WDR72: variants seen among roughly 807,000 people sequenced by gnomAD.
WDR72 encodes the protein WD repeat-containing protein 72.
A neutral mutation model predicts 124.2 loss-of-function variants in WDR72; 120 were observed. The observed-to-expected ratio is 0.97, with a 90% CI of 0.83 to 1.12. The LOEUF (loss-of-function observed/expected upper bound fraction) is 1.12, where lower values mean the gene tolerates loss of function less well. Ranked by LOEUF, WDR72 falls within the 50% of genes most tolerant of loss-of-function variation. The pLI, the probability that WDR72 is intolerant of heterozygous loss-of-function variation, is 0.00. For synonymous variants in WDR72, 452 were observed against 441.7 expected, an observed-to-expected ratio of 1.02 and a Z score of -0.29; for missense variants, 1,387 against 1,278.8, an observed-to-expected ratio of 1.08 and a Z score of -1.29.
intron 3 of WDR72, among the ~76,000 whole-genome samples, chr15:53,717,335 A>T (rs918747764): frequency 2.6e-5 from 4 of 152,200 alleles, no homozygotes; most frequent in Non-Finnish European, 4.4e-5. Context: ...TGGCTGTTTC[A>T]GAATTGTTTG....
rs1246391481 is a variant in WDR72, at chr15:53,650,324, T to G, written c.1962+15248A>C. Among the ~76,000 whole-genome samples the G allele has an allele frequency of 2.6e-5, 4 of 152,172 alleles. No homozygotes were observed. The South Asian group carries it at 8.3e-4, about 32-fold the overall frequency. On this transcript the variant is annotated intron_variant, in intron 14 of 19. Transcript: ENST00000360509. ...GCATAAAGTTTCAGCCCAGTAAAATTAGTAAGCTATAGAGATCTGCTGTAC... is the reference window on the plus strand; with the variant it reads ...GCATAAAGTTTCAGCCCAGTAAAATGAGTAAGCTATAGAGATCTGCTGTAC...
intron 18 of WDR72, among the ~76,000 whole-genome samples, chr15:53,556,151 A>T (rs2140286868): frequency 6.6e-6 from 1 of 152,278 alleles, no homozygotes; most frequent in South Asian, 2.1e-4. Flanking sequence ...GGCATAATAA[A>T]GAGGTAAATA....
At chr15:53,732,163 G>A (rs2018221240) in intron 2 of WDR72, among the ~76,000 whole-genome samples, 1 of 152,128 alleles carries the variant, frequency 6.6e-6, no homozygotes, top group Non-Finnish European at 1.5e-5. Flanking sequence ...GCAGTTCTTG[G>A]CAGTCCTGTA....
chr15:53,646,220 T>C (rs780427155), intron 14 of WDR72, among the ~76,000 whole-genome samples: 1 of 152,172 alleles, frequency 6.6e-6, no homozygotes, highest in Non-Finnish European at 1.5e-5. Context: ...ACTTCTGATG[T>C]ATACAACAAA....
rs369568228 is a variant in WDR72 at position 53,701,559 on chromosome 15, T to TCTCTCTCTCTCTCTCACA, written c.1569+574_1569+575insTGTGAGAGAGAGAGAGAG. Among the ~76,000 whole-genome samples, 261 of 120,156 alleles carry TCTCTCTCTCTCTCTCACA rather than the reference T, an allele frequency of 2.2e-3. 3 individuals are homozygous for TCTCTCTCTCTCTCTCACA. The highest frequency in any genetic ancestry group is 0.012 in the East Asian group (40 of 3,448). The allele number at this position is 120,156 out of a possible 152,430, so 78.8% of individuals were successfully genotyped here. ...CTGTCTCTCTCTCTCTCTCTCTCTC[T>TCTCTCTCTCTCTCTCACA]CACACACACACACACACACACACAC... is the stretch of plus-strand genomic sequence containing the variant. On this transcript the variant is annotated intron_variant, in intron 12 of 19. Coordinates refer to ENST00000360509, the MANE Select transcript of WDR72 (RefSeq NM_182758.4).
chr15:53,562,908 T>C (rs1386913632), intron 18 of WDR72, among the ~76,000 whole-genome samples: 3 of 151,842 alleles, frequency 2.0e-5, no homozygotes, highest in Admixed American at 6.6e-5. Flanking sequence ...AGGTCTTCTA[T>C]GCCTTGTGTT....
At chr15:53,519,905 T>C (rs571920388) in intron 19 of WDR72, among the ~76,000 whole-genome samples, 2 of 152,158 alleles carry the variant, frequency 1.3e-5, no homozygotes, top group South Asian at 2.1e-4. Flanking sequence ...AATATAAAAA[T>C]AAACAATCTA....
intron 18 of WDR72, among the ~76,000 whole-genome samples, chr15:53,564,532 C>T (rs981501098): frequency 2.4e-4 from 36 of 151,890 alleles, no homozygotes; most frequent in African/African-American, 8.0e-4. Context: ...GAAACTATCT[C>T]CAGGTCAACT....
At chr15:53,614,324 T>C (rs1424749018) in intron 15 of WDR72, among the ~76,000 whole-genome samples, 1 of 152,086 alleles carries the variant, frequency 6.6e-6, no homozygotes, top group Non-Finnish European at 1.5e-5. Flanking sequence ...GTAAAATCTT[T>C]GTGAAATGGT....
intron 1 of WDR72, among the ~76,000 whole-genome samples, chr15:53,738,328 A>T (rs1190867423): frequency 6.6e-6 from 1 of 152,152 alleles, no homozygotes; most frequent in Non-Finnish European, 1.5e-5. Flanking sequence ...ATGTAGACAA[A>T]ACCATATATA....
intron 13 of WDR72, among the ~76,000 whole-genome samples, chr15:53,668,452 T>C (rs2015853749): frequency 6.6e-6 from 1 of 152,242 alleles, no homozygotes; most frequent in African/African-American, 2.4e-5. Flanking sequence ...CCACATGTGC[T>C]AGTTATCAAT....
intron 13 of WDR72, among the ~76,000 whole-genome samples, chr15:53,671,837 A>G (rs1182748454): frequency 2.6e-5 from 4 of 152,110 alleles, no homozygotes; most frequent in African/African-American, 7.2e-5. Flanking sequence ...TGCTTCGTGG[A>G]CTACAGAACA....
At chr15:53,536,682 C>T (rs1204386955) in intron 18 of WDR72, among the ~76,000 whole-genome samples, 1 of 152,156 alleles carries the variant, frequency 6.6e-6, no homozygotes, top group Admixed American at 6.5e-5. Context: ...ACATGGTCAG[C>T]CTCCAAAGGT....
At chr15:53,612,333 T>G (rs1190341225) in intron 16 of WDR72, among the ~76,000 whole-genome samples, 1 of 152,112 alleles carries the variant, frequency 6.6e-6, no homozygotes, top group Non-Finnish European at 1.5e-5. Context: ...ATGAGATTTT[T>G]TAAAGTAACA....
At chr15:53,704,130 T>C (rs2017267011) in intron 11 of WDR72, among the ~76,000 whole-genome samples, 1 of 152,200 alleles carries the variant, frequency 6.6e-6, no homozygotes, top group Admixed American at 6.5e-5. Context: ...TCTGTACAGA[T>C]ATGCTCACAT....
intron 4 of WDR72, 35 bp downstream of exon 4, chr15:53,716,572 T>A (rs1341930827): frequency 1.4e-6 from 2 of 1,409,652 alleles, no homozygotes; most frequent in South Asian, 1.2e-5. Context: ...AGTTGCAGAA[T>A]CTAGAAATGC....
chr15:53,760,932 TG>T (rs200321166), upstream of WDR72, among the ~76,000 whole-genome samples: 1,123 of 152,272 alleles, frequency 7.4e-3, 12 homozygotes, highest in African/African-American at 0.025. Flanking sequence ...GAGACCAGCC[TG>T]GTCAACATGA....
At chr15:53,572,914 C>T (rs567043639) in intron 18 of WDR72, among the ~76,000 whole-genome samples, 115 of 152,236 alleles carry the variant, frequency 7.6e-4, no homozygotes, top group African/African-American at 2.8e-3. Context: ...TATAAGTTTT[C>T]CATAGGGATT....
At chr15:53,736,998 A>AACACACACACACACAC (rs67659814) in intron 1 of WDR72, among the ~76,000 whole-genome samples, 4 of 141,154 alleles carry the variant, frequency 2.8e-5, no homozygotes, top group East Asian at 4.4e-4. Flanking sequence ...GTAGATGTAA[A>AACACACACACACACAC]ACACACACAC....
Sources: allele counts gnomAD v4.1 joint callset (sites outside exome capture counted in the v4.1 genomes callset), GRCh38; gene constraint gnomAD v4.1.1; transcripts MANE v1.5; gene names NCBI Gene and HGNC (gene_info 2026-07-23, HGNC 2026-07-21).